Variants in ANKRD30A observed in about 807,000 individuals in gnomAD.
ANKRD30A encodes ankyrin repeat domain-containing protein 30A.
Under a neutral mutation model 166.3 loss-of-function variants are expected in ANKRD30A, and 170 were observed. That is an observed-to-expected ratio of 1.02 (90% CI 0.90 to 1.16). The LOEUF (loss-of-function observed/expected upper bound fraction) is 1.16, where lower values mean the gene tolerates loss of function less well. ANKRD30A is among the 50% of genes most tolerant of loss of function. The pLI, the probability that ANKRD30A is intolerant of heterozygous loss-of-function variation, is 0.00. For synonymous variants in ANKRD30A, 564 were observed against 508.9 expected, an observed-to-expected ratio of 1.11 and a Z score of -1.46; for missense variants, 1,630 against 1,518.0, an observed-to-expected ratio of 1.07 and a Z score of -1.23.
chr10:37,142,347 A>T, intron 7 of ANKRD30A, 57 bp downstream of exon 7: 1 of 1,481,674 alleles, frequency 6.7e-7, no homozygotes, highest in Non-Finnish European at 9.1e-7. Context: ...TCCCTAGTGA[A>T]AAAAGTGTGA....
the ANKRD30A span, among the ~76,000 whole-genome samples, chr10:37,256,020 G>T: frequency 1.3e-5 from 2 of 152,124 alleles, no homozygotes; most frequent in Non-Finnish European, 2.9e-5. Context: ...TCCTCCCAGT[G>T]CCTGCAGCGT....
chr10:37,141,765 A>G lies in ANKRD30A; in HGVS notation c.868A>G (p.Arg290Gly). The change falls in exon 7 of 36, where the codon AGA (arginine) becomes GGA (glycine). Residue 290 changes from arginine to glycine, a missense_variant. Physicochemically the swap from Arg to Gly is moderately radical, Grantham distance 125. Coordinates refer to ENST00000361713, the MANE Select transcript of ANKRD30A (RefSeq NM_052997.3). ...TGATGAGGCTGCACCCTTGGCGGAA[A>G]GAACACCTGACACAGCTGAAAGCTT... ...TPDEAAPLAE[R>G]TPDTAESLVE... The G allele has an allele frequency of 2.5e-6, 4 of 1,612,256 alleles. No homozygotes were observed. The highest frequency in any genetic ancestry group is 3.4e-6 in the Non-Finnish European group (4 of 1,179,740).
chr10:37,165,954 T>A (rs1040650640), intron 18 of ANKRD30A, among the ~76,000 whole-genome samples: 1 of 152,108 alleles, frequency 6.6e-6, no homozygotes, highest in Admixed American at 6.6e-5. Context: ...CAAAAAGACG[T>A]TAATACTTGT....
intron 30 of ANKRD30A, among the ~76,000 whole-genome samples, chr10:37,200,901 A>G (rs576671953): frequency 1.3e-5 from 2 of 151,976 alleles, no homozygotes; most frequent in African/African-American, 4.8e-5. Context: ...TTGAAATGTC[A>G]TATTTATTGT....
chr10:37,219,976 T>A lies in ANKRD30A; in HGVS notation c.4185+79T>A, dbSNP rs1439815904. On this transcript the variant is annotated intron_variant, in intron 34 of 35. Coordinates refer to ENST00000361713, the MANE Select transcript of ANKRD30A (RefSeq NM_052997.3). ...GTCATATTTGGCCTTGGCTAAATGC[T>A]GAATCTAGTTGAATATATATATATA... 6.8e-6 allele frequency: 3 copies of A among 440,012 alleles called. No homozygotes were observed. In the African/African-American group the frequency reaches 7.6e-5, roughly 11 times the overall value. 27.3% of individuals were successfully genotyped at this position (440,012 alleles called of 1,614,324 possible).
At chr10:37,138,257 A>G (rs1016032436) in intron 6 of ANKRD30A, among the ~76,000 whole-genome samples, 15 of 152,204 alleles carry the variant, frequency 9.9e-5, no homozygotes, top group Non-Finnish European at 2.2e-4. Context: ...CCAAAGGTAG[A>G]TAAAACCACA....
intron 9 of ANKRD30A, among the ~76,000 whole-genome samples, chr10:37,148,507 C>A (rs755691646): frequency 3.6e-4 from 54 of 151,852 alleles, no homozygotes; most frequent in Non-Finnish European, 7.7e-4. Context: ...GCATTCTAGG[C>A]AGGTAACGGG....
Position 37,219,530 on chromosome 10 carries a change from C to T in ANKRD30A, c.3818C>T (p.Ala1273Val). 2.5e-6 allele frequency: 4 copies of T among 1,610,188 alleles called. No individual in the cohort carries two copies. The highest frequency in any genetic ancestry group is 1.7e-4 in the Middle Eastern group (1 of 6,046). The change falls in exon 34 of 36, where the codon GCT (alanine) becomes GTT (valine). Residue 1273 changes from alanine to valine, a missense_variant. Around this residue, in one of 4 missense-constraint regions of ANKRD30A, gnomAD observed 712 missense variants for 629.3 expected, o/e 1.13. Transcript: ENST00000361713. ...LKINLNYAGD[A>V]LRENTLVSEH... is the part of the protein sequence containing the mutation. ...ATTAATCTCAATTATGCAGGAGATG[C>T]TCTAAGAGAAAATACATTGGTTTCA...
intron 25 of ANKRD30A, among the ~76,000 whole-genome samples, chr10:37,190,379 A>G (rs1319005091): frequency 1.3e-5 from 2 of 151,806 alleles, no homozygotes; most frequent in East Asian, 3.9e-4. Context: ...TCAGGACAGA[A>G]AAGGTCAGGA....
At chr10:37,150,514 C>G (rs533757176) in intron 11 of ANKRD30A, among the ~76,000 whole-genome samples, 14 of 151,976 alleles carry the variant, frequency 9.2e-5, no homozygotes, top group Non-Finnish European at 1.8e-4. Context: ...TAAAACTATT[C>G]TTATGCATGT....
chr10:37,190,687 T>A (rs1276448851), intron 25 of ANKRD30A, among the ~76,000 whole-genome samples: 5 of 151,736 alleles, frequency 3.3e-5, no homozygotes, highest in Non-Finnish European at 7.4e-5. Flanking sequence ...TTCGGAAGCA[T>A]TTAGAAAAGT....
chr10:37,254,322 T>C, the ANKRD30A span, among the ~76,000 whole-genome samples: 1 of 152,278 alleles, frequency 6.6e-6, no homozygotes, highest in African/African-American at 2.4e-5. Flanking sequence ...CTATTTTACT[T>C]TCCCACTGGA....
intron 25 of ANKRD30A, among the ~76,000 whole-genome samples, chr10:37,190,498 TA>T (rs1181401720): frequency 6.6e-6 from 1 of 151,510 alleles, no homozygotes; most frequent in African/African-American, 2.4e-5. Context: ...CTCCTCAAAG[TA>T]AAAGGAAAGA....
downstream of ANKRD30A, among the ~76,000 whole-genome samples, chr10:37,236,541 C>G (rs865943978): frequency 1.3e-5 from 2 of 152,132 alleles, no homozygotes; most frequent in Non-Finnish European, 2.9e-5. Context: ...CCCAAATTTA[C>G]CCATTAGGTA....
At chr10:37,203,937 T>A (rs1301753544) in intron 31 of ANKRD30A, among the ~76,000 whole-genome samples, 3 of 152,170 alleles carry the variant, frequency 2.0e-5, no homozygotes, top group Admixed American at 6.5e-5. Context: ...ACAAGGGATG[T>A]GAAGGACCTC....
chr10:37,199,690 T>C (rs763761836), intron 29 of ANKRD30A, 37 bp from the exon 30 acceptor site: 2 of 1,349,470 alleles, frequency 1.5e-6, no homozygotes, highest in South Asian at 1.2e-5. Flanking sequence ...AGTAGAGAAA[T>C]GTTCTCATGA....
intron 19 of ANKRD30A, among the ~76,000 whole-genome samples, chr10:37,166,960 A>G (rs1016318934): frequency 2.3e-4 from 35 of 152,098 alleles, no homozygotes; most frequent in Admixed American, 1.8e-3. Flanking sequence ...AGAAGAAAGT[A>G]GTAATAGAGT....
Position 37,152,546 on chromosome 10 carries a change from A to T in ANKRD30A, c.1707+425A>T, listed in dbSNP as rs1014939054. The stretch of plus-strand genomic sequence containing the variant: ...GTATTGTAAAAGCTGGGACCTGAAA[A>T]GTTAATGCCTGGGACTTGAATGTAT... On this transcript the variant is annotated intron_variant, in intron 12 of 35. Transcript: ENST00000361713. Among the ~76,000 whole-genome samples, 9 of 152,256 alleles carry T rather than the reference A, an allele frequency of 5.9e-5. No individual in the cohort carries two copies. In the South Asian group the frequency reaches 1.0e-3, roughly 18 times the overall value.
Position 37,219,799 on chromosome 10 carries a change from C to G in ANKRD30A, c.4087C>G (p.His1363Asp). ...DIHFLERKMQHHLLKEKNEEI... is the reference protein window; with the variant it reads ...DIHFLERKMQDHLLKEKNEEI... The stretch of plus-strand genomic sequence containing the variant: ...TCATTTTCTTGAGAGGAAAATGCAA[C>G]ATCATCTCCTAAAAGAGAAAAATGA... The change falls in exon 34 of 36, where the codon CAT becomes GAT. Residue 1363 changes from histidine (H) to aspartate (D), a missense_variant. His to Asp is a moderately conservative substitution (Grantham distance 81). Coordinates refer to ENST00000361713, the MANE Select transcript of ANKRD30A (RefSeq NM_052997.3). 1 of 1,605,910 alleles carries G rather than the reference C, an allele frequency of 6.2e-7. No individual in the cohort carries two copies. The highest frequency in any genetic ancestry group is 8.5e-7 in the Non-Finnish European group (1 of 1,175,164).
Sources: gnomAD v4.1 joint callset for allele counts (sites outside exome capture counted in the v4.1 genomes callset) on GRCh38, gnomAD v4.1.1 for gene constraint, gnomAD v4.1.1 regional missense constraint, MANE v1.5 for transcripts, NCBI Gene and HGNC (gene_info 2026-07-23, HGNC 2026-07-21) for gene names.